SRBD1: variants seen among roughly 807,000 people sequenced by gnomAD.
SRBD1 encodes the protein S1 RNA-binding domain-containing protein 1.
Under a neutral mutation model 115.3 loss-of-function variants are expected in SRBD1, and 88 were observed. The observed-to-expected ratio is 0.76, with a 90% CI of 0.64 to 0.91. The LOEUF is 0.91. SRBD1 is among the 40% of genes least tolerant of loss of function. The pLI, the probability that SRBD1 is intolerant of heterozygous loss-of-function variation, is 0.00. For missense variants in SRBD1, 1,385 were observed against 1,177.4 expected, an observed-to-expected ratio of 1.18 and a Z score of -2.58; for synonymous variants, 509 against 407.7, an observed-to-expected ratio of 1.25 and a Z score of -2.99.
intron 16 of SRBD1, among the ~76,000 whole-genome samples, chr2:45,445,924 G>T (rs1173077864): frequency 6.6e-6 from 1 of 152,144 alleles, no homozygotes; most frequent in African/African-American, 2.4e-5. Context: ...ACTAGAGAAA[G>T]TTCAATGGCT....
chr2:45,522,166 A>T (rs971281440), intron 14 of SRBD1, among the ~76,000 whole-genome samples: 3 of 152,038 alleles, frequency 2.0e-5, no homozygotes, highest in African/African-American at 7.3e-5. Flanking sequence ...AATCTAAAAT[A>T]AAAAAATGCT....
In SRBD1 at chr2:45,418,676, TAA is replaced by T. The variant is rs71948671; in HGVS notation, c.2157-137_2157-136del. The T allele has an allele frequency of 1.5e-3, 585 of 392,486 alleles. 1 individual carries two copies. Among genetic ancestry groups the T allele is most frequent in the East Asian group, 3.6e-3 (59 of 16,340 alleles). The allele number at this position is 392,486 out of a possible 1,614,324, so 24.3% of individuals were successfully genotyped here. A position where few individuals can be genotyped will look rare whatever the true frequency, so the allele number is the denominator to read the frequency against. ...AGTTAAGTTAATCCAAAAGGGAGTT[TAA>T]AAAAAAAAACAAAAAAAAAACGGAG... On this transcript the variant is annotated intron_variant, in intron 17 of 20. Coordinates refer to ENST00000263736, the MANE Select transcript of SRBD1 (RefSeq NM_018079.5).
chr2:45,603,628 C>G (rs1674170186), intron 2 of SRBD1, among the ~76,000 whole-genome samples: 1 of 152,138 alleles, frequency 6.6e-6, no homozygotes, highest in Non-Finnish European at 1.5e-5. Flanking sequence ...CTCCTGGGTT[C>G]AAGTGATTCT....
At chr2:45,470,738 G>T (rs1203655707) in intron 16 of SRBD1, among the ~76,000 whole-genome samples, 1 of 152,076 alleles carries the variant, frequency 6.6e-6, no homozygotes, top group Non-Finnish European at 1.5e-5. Flanking sequence ...TGTTTTCTTG[G>T]GAGTAACATC....
intron 16 of SRBD1, among the ~76,000 whole-genome samples, chr2:45,467,393 G>A (rs1045856348): frequency 6.6e-6 from 1 of 152,118 alleles, no homozygotes; most frequent in Admixed American, 6.5e-5. Context: ...AGGTAGTGGC[G>A]AAAAGAAAAT....
rs75730726 is a variant in SRBD1, at chr2:45,563,806, T to C, written c.1306-1050A>G. ...AAAGTATGGACACTGAATTAGTAAT[T>C]TGAAAATTTCCCACAAATAAATGTC... On this transcript the variant is annotated intron_variant, in intron 9 of 20. Coordinates refer to ENST00000263736, the MANE Select transcript of SRBD1 (RefSeq NM_018079.5). Among the ~76,000 whole-genome samples, 503 of 152,242 alleles carry C rather than the reference T, an allele frequency of 3.3e-3. 2 individuals are homozygous for C. Among genetic ancestry groups the C allele is most frequent in the African/African-American group, 0.012 (478 of 41,544 alleles).
chr2:45,418,943 G>A (rs1558379665), intron 17 of SRBD1, among the ~76,000 whole-genome samples: 1 of 152,072 alleles, frequency 6.6e-6, no homozygotes, highest in African/African-American at 2.4e-5. Flanking sequence ...CAACTGTGTT[G>A]TACTACCTTT....
At chr2:45,580,355 C>CT (rs888230241) in intron 6 of SRBD1, among the ~76,000 whole-genome samples, 10 of 151,060 alleles carry the variant, frequency 6.6e-5, no homozygotes, top group East Asian at 3.9e-4. Flanking sequence ...TTGTTTTTTT[C>CT]TTTTTTTTGA....
intron 14 of SRBD1, among the ~76,000 whole-genome samples, chr2:45,519,694 AT>A (rs1330683779): frequency 1.3e-5 from 2 of 152,086 alleles, no homozygotes; most frequent in East Asian, 3.9e-4. Context: ...TTTTTTAAAA[AT>A]TTTTGTTTAT....
chr2:45,431,506 T>G (rs1668335174), intron 16 of SRBD1, among the ~76,000 whole-genome samples: 1 of 152,156 alleles, frequency 6.6e-6, no homozygotes, highest in Non-Finnish European at 1.5e-5. Flanking sequence ...GCCATCATTC[T>G]CAGCAAACTA....
chr2:45,392,771 C>G (rs1667038923), intron 20 of SRBD1, among the ~76,000 whole-genome samples, 174 bp downstream of exon 20: 1 of 152,176 alleles, frequency 6.6e-6, no homozygotes. Flanking sequence ...AGCTTTGGCT[C>G]TGGATATTAA....
intron 18 of SRBD1, 101 bp downstream of exon 18, chr2:45,418,264 C>T: frequency 2.9e-6 from 4 of 1,390,194 alleles, no homozygotes; most frequent in Non-Finnish European, 3.9e-6. Flanking sequence ...AAGGCATGAA[C>T]AATGGACACT....
At chr2:45,421,072 G>A (rs575002756) in intron 16 of SRBD1, among the ~76,000 whole-genome samples, 1 of 152,310 alleles carries the variant, frequency 6.6e-6, no homozygotes, top group Admixed American at 6.5e-5. Flanking sequence ...AACTAAAACA[G>A]TGAAAGGTGT....
intron 14 of SRBD1, among the ~76,000 whole-genome samples, chr2:45,496,004 AATTTGTATTTACTCAT>A (rs1168297663): frequency 6.6e-6 from 1 of 152,134 alleles, no homozygotes; most frequent in Admixed American, 6.5e-5. Context: ...TTTGTACTCA[AATTTGTATTTACTCAT>A]ATAATACCAG....
At chr2:45,434,984 T>A (rs770734661) in intron 16 of SRBD1, among the ~76,000 whole-genome samples, 2 of 149,684 alleles carry the variant, frequency 1.3e-5, no homozygotes, top group Non-Finnish European at 3.0e-5. Flanking sequence ...CGTGTTCTCA[T>A]CGTTCAATTC....
chr2:45,545,939 G>A (rs1672106559), intron 14 of SRBD1, among the ~76,000 whole-genome samples: 1 of 152,200 alleles, frequency 6.6e-6, no homozygotes. Context: ...GATCCTGTCA[G>A]TCACCTGCTC....
chr2:45,557,109 T>C, intron 10 of SRBD1, among the ~76,000 whole-genome samples: 1 of 152,086 alleles, frequency 6.6e-6, no homozygotes, highest in East Asian at 1.9e-4. Context: ...GCACGGTAAA[T>C]TGAAGTAACT....
chr2:45,416,459 C>A (rs1667835156), intron 18 of SRBD1, among the ~76,000 whole-genome samples: 2 of 151,932 alleles, frequency 1.3e-5, no homozygotes, highest in South Asian at 4.2e-4. Context: ...CAATAAGACA[C>A]TGATTAGACT....
At chr2:45,475,562 G>C (rs1264990081) in intron 16 of SRBD1, among the ~76,000 whole-genome samples, 1 of 152,174 alleles carries the variant, frequency 6.6e-6, no homozygotes, top group Admixed American at 6.5e-5. Flanking sequence ...GAAGTCAATA[G>C]CTTATTAGCC....
Sources: allele counts gnomAD v4.1 joint callset (sites outside exome capture counted in the v4.1 genomes callset), GRCh38; gene constraint gnomAD v4.1.1; transcripts MANE v1.5; gene names NCBI Gene and HGNC (gene_info 2026-07-23, HGNC 2026-07-21).